Variants in SLC38A11 observed in about 807,000 individuals in gnomAD.
SLC38A11 encodes the protein solute carrier family 38 member 11.
A neutral mutation model predicts 49.4 loss-of-function variants in SLC38A11; 51 were observed. That is an observed-to-expected ratio of 1.03 (90% confidence interval 0.83 to 1.30). The LOEUF is 1.30. SLC38A11 is among the 50% of genes most tolerant of loss of function. The probability of loss-of-function intolerance (pLI) is 0.00; values close to 1 mark genes in which losing one functional copy is unlikely to be tolerated. For missense variants in SLC38A11, 574 were observed against 556.2 expected (o/e 1.03, Z -0.32); for synonymous variants, 203 against 192.9 (o/e 1.05, Z -0.43).
At chr2:164,915,796 C>T in intron 8 of SLC38A11, 107 bp downstream of exon 8, 1 of 821,726 alleles carries the variant, frequency 1.2e-6, no homozygotes, top group Non-Finnish European at 2.0e-6. Context: ...AATAGGAAGT[C>T]TAAAACTTAG....
At chr2:164,914,739 A>C (rs1200506041) in intron 9 of SLC38A11, among the ~76,000 whole-genome samples, 2 of 152,038 alleles carry the variant, frequency 1.3e-5, no homozygotes, top group Non-Finnish European at 2.9e-5. Context: ...ATTTGAGCAA[A>C]GAAAGGAAGT....
At chr2:164,938,792 CT>C (rs1178306118) in intron 6 of SLC38A11, among the ~76,000 whole-genome samples, 1 of 152,102 alleles carries the variant, frequency 6.6e-6, no homozygotes, top group African/African-American at 2.4e-5. Context: ...TTAAAAATAT[CT>C]TATCAGAATG....
chr2:164,943,167 G>A (rs1174691905), intron 5 of SLC38A11, among the ~76,000 whole-genome samples: 2 of 152,166 alleles, frequency 1.3e-5, no homozygotes, highest in Non-Finnish European at 2.9e-5. Context: ...GGATTATGTA[G>A]CTTGGATGAG....
rs1684363553 is a variant in SLC38A11, at chr2:164,895,352, G to A, written c.*3085C>T. Reference sequence around the variant, plus strand: ...TTGCCACAGTTAGTAAAGCATTCATGGGTACCCTCACTGATGGGTGACCTC... The same window carrying A: ...TTGCCACAGTTAGTAAAGCATTCATAGGTACCCTCACTGATGGGTGACCTC... On this transcript the variant is annotated 3_prime_UTR_variant, in exon 12 of 12. Coordinates refer to ENST00000685975, the MANE Select transcript of SLC38A11 (RefSeq NM_001351537.2). Among the ~76,000 whole-genome samples, 4 of 152,122 alleles carry A rather than the reference G, an allele frequency of 2.6e-5. No individual in the cohort carries two copies. The South Asian group carries it at 8.3e-4, about 32-fold the overall frequency.
Position 164,911,641 on chromosome 2 carries a change from T to C in SLC38A11, c.958A>G (p.Arg320Gly). 6.3e-7 allele frequency: 1 copy of C among 1,575,808 alleles called. No individual in the cohort carries two copies. The part of the protein sequence containing the change: ...LTYPMECFVT[R>G]EVIANVFFGG... ...TGGGAAGGAACCGCGCTTACCTCTC[T>C]TGTCACAAAGCATTCCATAGGGTAT... Residue 320 changes from arginine (R) to glycine (G), a missense_variant, in exon 10 of 12, where the codon AGA becomes GGA. By Grantham distance (125) the Arg-to-Gly change is moderately radical. Coordinates refer to ENST00000685975, the MANE Select transcript of SLC38A11 (RefSeq NM_001351537.2).
At chr2:164,911,491 T>C (rs1685396573) in intron 10 of SLC38A11, 145 bp downstream of exon 10, 1 of 426,696 alleles carries the variant, frequency 2.3e-6, no homozygotes, top group South Asian at 7.9e-5. Flanking sequence ...CTCTGACATT[T>C]TAGAGTCAAA....
chr2:164,930,590 G>A (rs765135111), intron 7 of SLC38A11, among the ~76,000 whole-genome samples: 12 of 152,142 alleles, frequency 7.9e-5, no homozygotes, highest in Non-Finnish European at 1.3e-4. Flanking sequence ...GGGATGCAAG[G>A]TTGGTTCAAT....
At chr2:164,955,141 G>C in intron 1 of SLC38A11, 68 bp downstream of exon 1, 1 of 1,436,500 alleles carries the variant, frequency 7.0e-7, no homozygotes, top group Admixed American at 2.0e-5. Flanking sequence ...TAGGTGACCT[G>C]ACCTGTTGCA....
At chr2:164,905,100 C>CATG (rs1553489951) in intron 11 of SLC38A11, among the ~76,000 whole-genome samples, 1 of 150,504 alleles carries the variant, frequency 6.6e-6, no homozygotes, top group African/African-American at 2.4e-5. Flanking sequence ...TGGTAGCTCA[C>CATG]ATTATTATTA....
chr2:164,919,176 A>T (rs1321785390), intron 7 of SLC38A11, among the ~76,000 whole-genome samples: 1 of 152,042 alleles, frequency 6.6e-6, no homozygotes, highest in East Asian at 1.9e-4. Flanking sequence ...CAAAAAATAA[A>T]AACATTAGCC....
chr2:164,910,909 A>G (rs532730001), intron 10 of SLC38A11, among the ~76,000 whole-genome samples: 8 of 152,116 alleles, frequency 5.3e-5, no homozygotes, highest in Admixed American at 3.3e-4. Context: ...CAAAAGAATG[A>G]ATTCTCTTTC....
chr2:164,930,496 A>G (rs1686925302), intron 7 of SLC38A11, among the ~76,000 whole-genome samples: 1 of 152,160 alleles, frequency 6.6e-6, no homozygotes, highest in Admixed American at 6.5e-5. Flanking sequence ...CATCAATGCA[A>G]AAATACTCAA....
chr2:164,899,197 A>C (rs1406859284), intron 11 of SLC38A11, among the ~76,000 whole-genome samples: 1 of 152,150 alleles, frequency 6.6e-6, no homozygotes, highest in Non-Finnish European at 1.5e-5. Flanking sequence ...TGTCTTCTTT[A>C]CCTGAGCTTG....
intron 7 of SLC38A11, among the ~76,000 whole-genome samples, chr2:164,930,733 C>A (rs1343064922): frequency 2.0e-5 from 3 of 152,040 alleles, no homozygotes; most frequent in Non-Finnish European, 4.4e-5. Flanking sequence ...TCTGAATAAA[C>A]TAGGAATTGA....
At chr2:164,933,902 A>C (rs927393163) in intron 7 of SLC38A11, among the ~76,000 whole-genome samples, 1 of 152,168 alleles carries the variant, frequency 6.6e-6, no homozygotes, top group Non-Finnish European at 1.5e-5. Context: ...AGTATTAAAA[A>C]ACATACTTCT....
chr2:164,945,035 C>CT, intron 4 of SLC38A11, among the ~76,000 whole-genome samples: 1 of 152,144 alleles, frequency 6.6e-6, no homozygotes, highest in East Asian at 1.9e-4. Context: ...AAAAGTAAGA[C>CT]TTTTTTGGGA....
At position 164,950,477 on chromosome 2, in the gene SLC38A11, C is replaced by A. The variant is rs1040911285; in HGVS notation, c.229+2230G>T. On this transcript the variant is annotated intron_variant, in intron 3 of 11. Coordinates refer to ENST00000685975, the MANE Select transcript of SLC38A11 (RefSeq NM_001351537.2). The stretch of plus-strand genomic sequence containing the variant: ...CTTTCATTTGCTTATAAAATACAGG[C>A]TACAAATATATTCCCTTAAAAGTTT... Among the ~76,000 whole-genome samples the A allele has an allele frequency of 3.3e-5, 5 of 152,076 alleles. No individual in the cohort carries two copies. In the East Asian group the frequency reaches 9.6e-4, roughly 29 times the overall value.
At position 164,897,379 on chromosome 2, in the gene SLC38A11, T is replaced by C. The variant is rs1299726695; in HGVS notation, c.*1058A>G. On this transcript the variant is annotated 3_prime_UTR_variant, in exon 12 of 12. Coordinates refer to ENST00000685975, the MANE Select transcript of SLC38A11 (RefSeq NM_001351537.2). The stretch of plus-strand genomic sequence containing the variant: ...CAGTATCAAAACTGGGCTATTACCC[T>C]TGAACAGGGACAACTCTGATGGGTC... The C allele has an allele frequency of 6.6e-6, 1 of 152,246 alleles. No homozygotes were observed. Among genetic ancestry groups the C allele is most frequent in the East Asian group, 1.9e-4 (1 of 5,198 alleles). 9.4% of individuals were successfully genotyped at this position (152,246 alleles called of 1,614,324 possible).
rs967225483 is a variant in SLC38A11, at chr2:164,915,768, A to G, written c.688+135T>C. ...TGAGCCTAATTTTATATTGGCACAA[A>G]CTAGATCATATGCTGCTAATAGGAA... On this transcript the variant is annotated intron_variant, in intron 8 of 11. Transcript: ENST00000685975. 1.3e-5 allele frequency: 8 copies of G among 639,648 alleles called. No individual in the cohort carries two copies. The East Asian group carries it at 2.0e-4, about 16-fold the overall frequency. The allele number at this position is 639,648 out of a possible 1,614,324, so 39.6% of individuals were successfully genotyped here. A position where few individuals can be genotyped will look rare whatever the true frequency, so the allele number is the denominator to read the frequency against.
Sources: allele counts gnomAD v4.1 joint callset (sites outside exome capture counted in the v4.1 genomes callset), GRCh38; gene constraint gnomAD v4.1.1; transcripts MANE v1.5; gene names NCBI Gene and HGNC (gene_info 2026-07-23, HGNC 2026-07-21).